KCNK13: variants seen among roughly 807,000 people sequenced by gnomAD.
KCNK13 encodes potassium channel subfamily K member 13.
In KCNK13, 12 loss-of-function variants were observed where a neutral mutation model predicts 23.4. The ratio of observed to expected loss-of-function variants is 0.51; its 90% confidence interval spans 0.33 to 0.83. The LOEUF is 0.83. Ranked by LOEUF, KCNK13 falls within the 40% of genes least tolerant of loss-of-function variation. KCNK13 has a pLI of 0.02. For missense variants in KCNK13, 463 were observed against 556.3 expected (o/e 0.83, Z 1.69); for synonymous variants, 231 against 229.5 (o/e 1.01, Z -0.06).
At chr14:90,113,417 A>G (rs1334371934) in intron 1 of KCNK13, among the ~76,000 whole-genome samples, 5 of 152,230 alleles carry the variant, frequency 3.3e-5, no homozygotes, top group African/African-American at 7.2e-5. Flanking sequence ...TAAAGCACCA[A>G]TTGAATCAAA....
At chr14:90,152,946 G>T (rs1890153468) in intron 1 of KCNK13, among the ~76,000 whole-genome samples, 1 of 152,254 alleles carries the variant, frequency 6.6e-6, no homozygotes, top group Admixed American at 6.5e-5. Context: ...GGCCTGGTCT[G>T]GGCCTTGACA....
chr14:90,183,308 T>C (rs1266834840), intron 1 of KCNK13, among the ~76,000 whole-genome samples: 1 of 152,280 alleles, frequency 6.6e-6, no homozygotes, highest in African/African-American at 2.4e-5. Flanking sequence ...GATGGGTAGA[T>C]CTTGAGCAAA....
At chr14:90,165,851 G>C (rs1890296514) in intron 1 of KCNK13, among the ~76,000 whole-genome samples, 1 of 152,170 alleles carries the variant, frequency 6.6e-6, no homozygotes, top group African/African-American at 2.4e-5. Context: ...TGTGAAAGCA[G>C]AAAACACAGC....
chr14:90,179,400 A>G (rs752714453), intron 1 of KCNK13, among the ~76,000 whole-genome samples: 14 of 152,086 alleles, frequency 9.2e-5, no homozygotes, highest in Non-Finnish European at 2.1e-4. Context: ...CTGGGAGACT[A>G]TGGGCCTGCT....
intron 1 of KCNK13, among the ~76,000 whole-genome samples, chr14:90,146,024 G>A (rs551483857): frequency 1.4e-3 from 210 of 151,498 alleles, no homozygotes; most frequent in African/African-American, 4.7e-3. Flanking sequence ...AAACAAATAC[G>A]AAAGTGAGAG....
At chr14:90,067,472 G>A (rs1225048164) in intron 1 of KCNK13, among the ~76,000 whole-genome samples, 1 of 152,202 alleles carries the variant, frequency 6.6e-6, no homozygotes, top group South Asian at 2.1e-4. Context: ...AGAAGTGGGA[G>A]TTATTGTTTA....
At chr14:90,085,770 TTA>T (rs1392283667) in intron 1 of KCNK13, among the ~76,000 whole-genome samples, 6 of 116,488 alleles carry the variant, frequency 5.2e-5, no homozygotes, top group Non-Finnish European at 1.1e-4. Flanking sequence ...ATTATATAAA[TTA>T]TATATATTAT....
chr14:90,123,991 G>A (rs1355223173), intron 1 of KCNK13, among the ~76,000 whole-genome samples: 1 of 152,162 alleles, frequency 6.6e-6, no homozygotes, highest in African/African-American at 2.4e-5. Context: ...TTTTGTAAAA[G>A]CTCCTTGCTG....
At chr14:90,107,395 G>A (rs566876854) in intron 1 of KCNK13, among the ~76,000 whole-genome samples, 4 of 152,168 alleles carry the variant, frequency 2.6e-5, no homozygotes, top group Middle Eastern at 3.4e-3. Context: ...GGAGAATGGC[G>A]TGAACCTGGG....
At chr14:90,101,257 A>C (rs1164056086) in intron 1 of KCNK13, among the ~76,000 whole-genome samples, 1 of 152,116 alleles carries the variant, frequency 6.6e-6, no homozygotes, top group Non-Finnish European at 1.5e-5. Context: ...TCTCTCTGAA[A>C]TCGCTTCTGG....
At chr14:90,076,731 GTCTC>G (rs556108550) in intron 1 of KCNK13, among the ~76,000 whole-genome samples, 1 of 152,066 alleles carries the variant, frequency 6.6e-6, no homozygotes, top group South Asian at 2.1e-4. Flanking sequence ...TTGTCTGAGC[GTCTC>G]TCTCTCTGGA....
intron 1 of KCNK13, among the ~76,000 whole-genome samples, chr14:90,084,849 T>C (rs1287312065): frequency 6.6e-6 from 1 of 152,200 alleles, no homozygotes; most frequent in Non-Finnish European, 1.5e-5. Context: ...TTTTGCCAAA[T>C]TCTTTTTCCA....
At chr14:90,080,164 C>T (rs1412713077) in intron 1 of KCNK13, among the ~76,000 whole-genome samples, 3 of 152,014 alleles carry the variant, frequency 2.0e-5, no homozygotes, top group Non-Finnish European at 4.4e-5. Flanking sequence ...ATTCAATAAA[C>T]AATTGAAGGC....
chr14:90,068,983 T>A (rs1156543484), intron 1 of KCNK13, among the ~76,000 whole-genome samples: 1 of 150,890 alleles, frequency 6.6e-6, no homozygotes, highest in Non-Finnish European at 1.5e-5. Flanking sequence ...ATGGAGAGGC[T>A]CAGCCTCGCC....
chr14:90,112,250 T>C lies in KCNK13; in HGVS notation c.334+49711T>C, dbSNP rs182623441. On this transcript the variant is annotated intron_variant, in intron 1 of 1. Coordinates refer to ENST00000282146, the MANE Select transcript of KCNK13 (RefSeq NM_022054.4). ...GGCGGTGCTGCTGACATGCAGGGAC[T>C]CCCACCCACCAAGGGAAGCTTTTAA... Among the ~76,000 whole-genome samples the C allele has an allele frequency of 3.1e-3, 479 of 152,294 alleles. 2 individuals are homozygous for C. The highest frequency in any genetic ancestry group is 0.011 in the African/African-American group (459 of 41,568).
rs200605485 is a variant in KCNK13, at chr14:90,157,373, GA to G, written c.335-26730del. 7.6e-4 allele frequency among the ~76,000 whole-genome samples: 116 copies of G among 151,708 alleles called. 3 individuals are homozygous for G. The East Asian group carries it at 0.014, about 18-fold the overall frequency. ...TAGTAGTCAAGCACGTTGTAACCACGAAAAAAAAGTGTCGGCATTTATTTAG... is the reference window on the plus strand; with the variant it reads ...TAGTAGTCAAGCACGTTGTAACCACGAAAAAAAGTGTCGGCATTTATTTAG... On this transcript the variant is annotated intron_variant, in intron 1 of 1. Transcript: ENST00000282146.
At chr14:90,140,464 A>G (rs1480275728) in intron 1 of KCNK13, among the ~76,000 whole-genome samples, 2 of 152,170 alleles carry the variant, frequency 1.3e-5, no homozygotes, top group African/African-American at 2.4e-5. Context: ...GAATGGTGCT[A>G]TTAACTGTTC....
intron 1 of KCNK13, among the ~76,000 whole-genome samples, chr14:90,132,177 G>A (rs1026939880): frequency 7.9e-5 from 12 of 152,238 alleles, no homozygotes; most frequent in African/African-American, 2.4e-4. Flanking sequence ...AAATAAGCCA[G>A]TCACGAAAGG....
intron 1 of KCNK13, among the ~76,000 whole-genome samples, chr14:90,178,905 G>A (rs1890454661): frequency 6.6e-6 from 1 of 152,104 alleles, no homozygotes; most frequent in South Asian, 2.1e-4. Context: ...CCAAATGAGA[G>A]GGGAGATTGT....
Sources: gnomAD v4.1 joint callset for allele counts (sites outside exome capture counted in the v4.1 genomes callset) on GRCh38, gnomAD v4.1.1 for gene constraint, MANE v1.5 for transcripts, NCBI Gene and HGNC (gene_info 2026-07-23, HGNC 2026-07-21) for gene names.